Variants in PALMD observed in about 807,000 individuals in gnomAD.
PALMD encodes palmdelphin.
A neutral mutation model predicts 56.2 loss-of-function variants in PALMD; 42 were observed. The observed-to-expected ratio is 0.75, with a 90% CI of 0.58 to 0.97. PALMD has a LOEUF of 0.97. PALMD is among the 50% of genes least tolerant of loss of function. PALMD has a pLI of 0.00. For synonymous variants in PALMD, 242 were observed against 222.9 expected (o/e 1.09, Z -0.76); for missense variants, 660 against 643.8 (o/e 1.03, Z -0.27).
At position 99,689,548 on chromosome 1, in the gene PALMD, A is replaced by G. The variant is rs774903513; in HGVS notation, c.1288A>G (p.Lys430Glu). 3 of 1,613,798 alleles carry G rather than the reference A, an allele frequency of 1.9e-6. No individual in the cohort carries two copies. Among genetic ancestry groups the G allele is most frequent in the Non-Finnish European group, 2.5e-6 (3 of 1,179,828 alleles). Residue 430 changes from lysine (K) to glutamate (E), a missense_variant, in exon 7 of 8, where the codon AAG (lysine) becomes GAG (glutamate). Coordinates refer to ENST00000263174, the MANE Select transcript of PALMD (RefSeq NM_017734.5). ...GCAGGCAGAAGACAGTGAAGAAGAT[A>G]AGAAGTTTCTGACAGGATATGATGG... ...YQQAEDSEED[K>E]KFLTGYDGII...
At chr1:99,678,232 T>A (rs1011714243) in intron 3 of PALMD, among the ~76,000 whole-genome samples, 2 of 150,728 alleles carry the variant, frequency 1.3e-5, no homozygotes, top group African/African-American at 5.0e-5. Context: ...GCCTCCCGAG[T>A]ACTGGGATTA....
intron 1 of PALMD, among the ~76,000 whole-genome samples, chr1:99,652,681 AAAGGAAAGGAAAG>A (rs1557666469): frequency 1.6e-3 from 154 of 98,966 alleles, no homozygotes; most frequent in African/African-American, 4.9e-3. Context: ...AAAGGAAAGG[AAAGGAAAGGAAAG>A]GAAAAGAAAA....
chr1:99,665,296 T>G (rs1225324854), intron 2 of PALMD, among the ~76,000 whole-genome samples: 1 of 152,186 alleles, frequency 6.6e-6, no homozygotes, highest in Non-Finnish European at 1.5e-5. Context: ...CTTTCAATTC[T>G]GAATTTCATT....
In PALMD at chr1:99,663,023, G is replaced by T. The variant is rs1652882124; in HGVS notation, c.126+624G>T. Among the ~76,000 whole-genome samples, 3 of 152,210 alleles carry T rather than the reference G, an allele frequency of 2.0e-5. No homozygotes were observed. In the South Asian group the frequency reaches 6.2e-4, roughly 32 times the overall value. ...ATTTTATTACTTAGCTTAGTGACAG[G>T]ATGCAAGCAAATAACAAACAGCAGC... is the stretch of plus-strand genomic sequence containing the variant. On this transcript the variant is annotated intron_variant, in intron 2 of 7. Transcript: ENST00000263174.
chr1:99,671,587 T>C (rs1653088298), intron 3 of PALMD, among the ~76,000 whole-genome samples: 1 of 152,226 alleles, frequency 6.6e-6, no homozygotes, highest in African/African-American at 2.4e-5. Flanking sequence ...CTCCTTTCTT[T>C]ATGCTAGTAC....
chr1:99,658,053 C>A (rs1652765416), intron 1 of PALMD, among the ~76,000 whole-genome samples: 2 of 152,142 alleles, frequency 1.3e-5, no homozygotes, highest in African/African-American at 4.8e-5. Context: ...GTAATCCCAG[C>A]ACTTTGGGAG....
Position 99,646,449 on chromosome 1 carries a change from G to C in PALMD, c.45+87G>C, listed in dbSNP as rs938306711. 6.1e-6 allele frequency: 6 copies of C among 982,148 alleles called. No homozygotes were observed. The Admixed American group carries it at 8.6e-5, about 14-fold the overall frequency. The allele number at this position is 982,148 out of a possible 1,614,324, so 60.8% of individuals were successfully genotyped here. ...CGGCTGCCCCTGTCGCTGAGCCCTC[G>C]CAAGTGGAAAAACAGAACTGTCAGC... is the stretch of plus-strand genomic sequence containing the variant. On this transcript the variant is annotated intron_variant, in intron 1 of 7. Coordinates refer to ENST00000263174, the MANE Select transcript of PALMD (RefSeq NM_017734.5).
chr1:99,665,331 T>C (rs1344606677), intron 2 of PALMD, among the ~76,000 whole-genome samples: 1 of 152,154 alleles, frequency 6.6e-6, no homozygotes, highest in Non-Finnish European at 1.5e-5. Context: ...ATTATACTCA[T>C]TAGCCTCATC....
At chr1:99,652,207 G>A (rs11810011) in intron 1 of PALMD, among the ~76,000 whole-genome samples, 2,722 of 152,234 alleles carry the variant, frequency 0.018, 75 homozygotes, top group African/African-American at 0.062. Context: ...GTCAAATGTC[G>A]GAACTTGAAT....
At chr1:99,674,614 A>C (rs1177930987) in intron 3 of PALMD, among the ~76,000 whole-genome samples, 3 of 152,132 alleles carry the variant, frequency 2.0e-5, no homozygotes, top group African/African-American at 7.2e-5. Context: ...ACCCAAAAAA[A>C]AAAAAAATTT....
chr1:99,688,433 C>T (rs915115683), intron 6 of PALMD, among the ~76,000 whole-genome samples: 1 of 152,118 alleles, frequency 6.6e-6, no homozygotes, highest in Admixed American at 6.5e-5. Context: ...GAAAGTATAT[C>T]CATCTTGCTG....
At chr1:99,675,293 A>G (rs773930776) in intron 3 of PALMD, among the ~76,000 whole-genome samples, 1 of 152,226 alleles carries the variant, frequency 6.6e-6, no homozygotes, top group Non-Finnish European at 1.5e-5. Flanking sequence ...TCTGAAAGGA[A>G]AGAGTCACTA....
chr1:99,673,854 A>C (rs1302411227), intron 3 of PALMD, among the ~76,000 whole-genome samples: 1 of 152,192 alleles, frequency 6.6e-6, no homozygotes. Context: ...TACATAGCTT[A>C]ATAAGTGAAT....
At chr1:99,651,891 C>A (rs1357735619) in intron 1 of PALMD, among the ~76,000 whole-genome samples, 1 of 152,202 alleles carries the variant, frequency 6.6e-6, no homozygotes, top group Non-Finnish European at 1.5e-5. Flanking sequence ...AGTTTTCAAT[C>A]TATTAAATGT....
intron 2 of PALMD, among the ~76,000 whole-genome samples, chr1:99,664,930 T>G (rs1368003647): frequency 6.6e-6 from 1 of 152,200 alleles, no homozygotes; most frequent in African/African-American, 2.4e-5. Flanking sequence ...CCCTCTGATA[T>G]TCTTTAGCTC....
At chr1:99,683,144 AAGAAAGAAAG>A (rs1653408587) in intron 3 of PALMD, 2 of 127,716 alleles carry the variant, frequency 1.6e-5, no homozygotes, top group Non-Finnish European at 3.2e-5. Context: ...GAAAGAAAGA[AAGAAAGAAAG>A]AAAGAAAGAA....
At chr1:99,656,647 T>C (rs1007141861) in intron 1 of PALMD, among the ~76,000 whole-genome samples, 1 of 152,192 alleles carries the variant, frequency 6.6e-6, no homozygotes, top group African/African-American at 2.4e-5. Flanking sequence ...GTCAAGTATA[T>C]GATGGCTTCT....
At chr1:99,687,302 T>G in intron 6 of PALMD, 113 bp downstream of exon 6, 5 of 1,218,208 alleles carry the variant, frequency 4.1e-6, no homozygotes, top group Non-Finnish European at 5.6e-6. Flanking sequence ...ATGGTTCACT[T>G]TACAAAGTTC....
In PALMD at chr1:99,686,731, G is replaced by A; in HGVS notation, c.307G>A (p.Glu103Lys). Residue 103 changes from glutamate to lysine, a missense_variant, in exon 4 of 8, where the codon GAA becomes AAA. Transcript: ENST00000263174. ...EKAELQISTK[E>K]EAILKKLKSI... ...AGCTGAACTGCAAATCTCAACGAAG[G>A]AAGAGGCCATTTTAAAGAAACTAAA... 6.2e-7 allele frequency: 1 copy of A among 1,610,036 alleles called. No individual in the cohort carries two copies.
Sources: gnomAD v4.1 joint callset for allele counts (sites outside exome capture counted in the v4.1 genomes callset) on GRCh38, gnomAD v4.1.1 for gene constraint, MANE v1.5 for transcripts, NCBI Gene and HGNC (gene_info 2026-07-23, HGNC 2026-07-21) for gene names.